Variants in XKR6 observed in about 807,000 individuals in gnomAD.
XKR6 encodes XK-related protein 6.
A neutral mutation model predicts 56.7 loss-of-function variants in XKR6; 22 were observed. The ratio of observed to expected loss-of-function variants is 0.39; its 90% CI spans 0.28 to 0.55. The LOEUF (loss-of-function observed/expected upper bound fraction) is 0.55, where lower values mean the gene tolerates loss of function less well. XKR6 is among the 20% of genes least tolerant of loss of function. The pLI is 0.66. For missense variants in XKR6, 852 were observed against 889.0 expected (o/e 0.96, Z 0.53); for synonymous variants, 524 against 387.8 (o/e 1.35, Z -4.13).
At chr8:11,190,203 GA>G (rs771342995) in intron 1 of XKR6, among the ~76,000 whole-genome samples, 195 of 39,772 alleles carry the variant, frequency 4.9e-3, no homozygotes, top group African/African-American at 0.042. Flanking sequence ...AAGAAAGAAA[GA>G]AAAGAAAGAA....
intron 1 of XKR6, among the ~76,000 whole-genome samples, chr8:10,938,993 C>T (rs1586329014): frequency 6.6e-6 from 1 of 152,328 alleles, no homozygotes; most frequent in Admixed American, 6.5e-5. Flanking sequence ...GCTTAAGCTT[C>T]AGTGGGGCCG....
intron 1 of XKR6, among the ~76,000 whole-genome samples, chr8:11,199,275 G>A (rs1435755965): frequency 6.6e-6 from 1 of 152,162 alleles, no homozygotes; most frequent in East Asian, 1.9e-4. Flanking sequence ...AGGAGACAAA[G>A]TTATTGCATC....
chr8:11,140,132 A>C (rs1219805092), intron 1 of XKR6, among the ~76,000 whole-genome samples: 1 of 151,986 alleles, frequency 6.6e-6, no homozygotes, highest in Non-Finnish European at 1.5e-5. Flanking sequence ...TTTTAATTAA[A>C]AAAAAAAAGA....
At chr8:11,040,833 T>C (rs547132496) in intron 1 of XKR6, among the ~76,000 whole-genome samples, 167 of 152,326 alleles carry the variant, frequency 1.1e-3, no homozygotes, top group African/African-American at 3.9e-3. Flanking sequence ...CTGTAGCTAA[T>C]GGCCTCCTGT....
chr8:11,043,201 G>A (rs147460943), intron 1 of XKR6, among the ~76,000 whole-genome samples: 16 of 151,138 alleles, frequency 1.1e-4, no homozygotes, highest in African/African-American at 2.7e-4. Flanking sequence ...TGCCCAATGC[G>A]TCTTTACTGA....
intron 1 of XKR6, among the ~76,000 whole-genome samples, chr8:11,199,097 T>C (rs572591182): frequency 3.2e-4 from 49 of 152,302 alleles, no homozygotes; most frequent in African/African-American, 1.1e-3. Context: ...TTTTATTCTC[T>C]CACTTCTTAT....
At chr8:10,992,381 C>A (rs1056120638) in intron 1 of XKR6, among the ~76,000 whole-genome samples, 3 of 152,178 alleles carry the variant, frequency 2.0e-5, no homozygotes, top group African/African-American at 7.2e-5. Flanking sequence ...GAAAGCCCAT[C>A]CCTCTGACTG....
chr8:11,157,486 G>A (rs1445831710), intron 1 of XKR6, among the ~76,000 whole-genome samples: 4 of 33,702 alleles, frequency 1.2e-4, no homozygotes, highest in South Asian at 1.6e-3. Context: ...AAAATAAAAG[G>A]TATGTATGTA....
intron 1 of XKR6, among the ~76,000 whole-genome samples, chr8:11,035,848 G>C (rs1280412140): frequency 6.6e-6 from 1 of 151,888 alleles, no homozygotes; most frequent in African/African-American, 2.4e-5. Flanking sequence ...CCCTGAAAAA[G>C]GCAGGTCTGA....
intron 1 of XKR6, chr8:11,194,309 G>A (rs1010286867): frequency 6.6e-6 from 1 of 152,174 alleles, no homozygotes; most frequent in African/African-American, 2.4e-5. Context: ...CTTGCAGAGT[G>A]AGAAACCTGA....
intron 1 of XKR6, among the ~76,000 whole-genome samples, chr8:11,040,133 G>C (rs368331989): frequency 6.6e-6 from 1 of 151,862 alleles, no homozygotes; most frequent in Non-Finnish European, 1.5e-5. Flanking sequence ...GACCCAGGCC[G>C]GGGGGACCTT....
At chr8:11,173,118 G>C (rs1272714484) in intron 1 of XKR6, among the ~76,000 whole-genome samples, 1 of 151,322 alleles carries the variant, frequency 6.6e-6, no homozygotes, top group Non-Finnish European at 1.5e-5. Context: ...GGTGGATCAC[G>C]AGGTCAGGAG....
chr8:10,905,026 A>G (rs916506396), intron 2 of XKR6, among the ~76,000 whole-genome samples: 3 of 152,200 alleles, frequency 2.0e-5, no homozygotes, highest in African/African-American at 7.2e-5. Flanking sequence ...GCAGCTCCCC[A>G]GATCCCAGCT....
chr8:10,953,294 G>A (rs1801783854), intron 1 of XKR6, among the ~76,000 whole-genome samples: 1 of 152,190 alleles, frequency 6.6e-6, no homozygotes, highest in Non-Finnish European at 1.5e-5. Flanking sequence ...CTCTCCTCGA[G>A]AGAGTGAGTG....
At chr8:10,929,573 A>C (rs1351114036) in intron 1 of XKR6, among the ~76,000 whole-genome samples, 1 of 152,170 alleles carries the variant, frequency 6.6e-6, no homozygotes, top group Non-Finnish European at 1.5e-5. Context: ...AGTTTGCCCA[A>C]AACACCTGGG....
At chr8:11,092,686 C>G (rs531984321) in intron 1 of XKR6, among the ~76,000 whole-genome samples, 17 of 152,340 alleles carry the variant, frequency 1.1e-4, no homozygotes, top group Admixed American at 7.8e-4. Context: ...AACTCTTCCC[C>G]CTGGATGATG....
At chr8:11,149,987 T>A (rs532706736) in intron 1 of XKR6, among the ~76,000 whole-genome samples, 1 of 152,134 alleles carries the variant, frequency 6.6e-6, no homozygotes, top group Non-Finnish European at 1.5e-5. Flanking sequence ...GAAAGACAAA[T>A]ATTGCATGTA....
Position 11,201,364 on chromosome 8 carries a change from G to A in XKR6, c.-25C>T, listed in dbSNP as rs1219954125. The A allele has an allele frequency of 6.8e-7, 1 of 1,465,688 alleles. No individual in the cohort carries two copies. Among genetic ancestry groups the A allele is most frequent in the Non-Finnish European group, 9.0e-7 (1 of 1,116,974 alleles). The allele number at this position is 1,465,688 out of a possible 1,614,324, so 90.8% of individuals were successfully genotyped here. A position where few individuals can be genotyped will look rare whatever the true frequency, so the allele number is the denominator to read the frequency against. The stretch of plus-strand genomic sequence containing the variant: ...TCTTGACTCTCTTCCCAGCTCCGGA[G>A]GTTGGGGGGGAGGGACGGCGGGGGG... On this transcript the variant is annotated 5_prime_UTR_variant, in exon 1 of 3. Coordinates refer to ENST00000416569, the MANE Select transcript of XKR6 (RefSeq NM_173683.4).
At chr8:10,940,071 T>C (rs1325345442) in intron 1 of XKR6, among the ~76,000 whole-genome samples, 3 of 152,202 alleles carry the variant, frequency 2.0e-5, no homozygotes, top group Non-Finnish European at 4.4e-5. Context: ...AGGGAGGGCC[T>C]AGTGGGCAGG....
Sources: gnomAD v4.1 joint callset for allele counts (sites outside exome capture counted in the v4.1 genomes callset) on GRCh38, gnomAD v4.1.1 for gene constraint, MANE v1.5 for transcripts, NCBI Gene and HGNC (gene_info 2026-07-23, HGNC 2026-07-21) for gene names.